The following GPR89B variants were observed in gnomAD, a reference collection of about 807,000 sequenced individuals.
GPR89B encodes golgi pH regulator B.
A neutral mutation model predicts 52.4 loss-of-function variants in GPR89B; 25 were observed. The ratio of observed to expected loss-of-function variants is 0.48; its 90% CI spans 0.35 to 0.67. GPR89B has a LOEUF of 0.67. Ranked by LOEUF, GPR89B falls within the 30% of genes least tolerant of loss-of-function variation. The pLI, the probability that GPR89B is intolerant of heterozygous loss-of-function variation, is 0.01. For missense variants in GPR89B, 146 were observed against 450.2 expected, an observed-to-expected ratio of 0.32 and a Z score of 6.11; for synonymous variants, 52 against 151.2, an observed-to-expected ratio of 0.34 and a Z score of 4.81.
chr1:147,943,611 G>C, intron 4 of GPR89B, 67 bp downstream of exon 4: 1 of 1,548,914 alleles, frequency 6.5e-7, no homozygotes, highest in East Asian at 2.3e-5. Context: ...TTAAATTGTG[G>C]ATAGCTTCAT....
chr1:147,978,311 A>G (rs1182824368), intron 10 of GPR89B, among the ~76,000 whole-genome samples: 1 of 151,920 alleles, frequency 6.6e-6, no homozygotes, highest in Non-Finnish European at 1.5e-5. Context: ...TCCCTCTCGC[A>G]TCTGGAGGTA....
chr1:147,961,775 G>A (rs1229401792), intron 7 of GPR89B, among the ~76,000 whole-genome samples: 6,671 of 151,978 alleles, frequency 0.044, 209 homozygotes, highest in African/African-American at 0.073. Context: ...CATGTATATA[G>A]GACTTGTTTG....
chr1:148,012,507 A>T, the GPR89B span, among the ~76,000 whole-genome samples: 3 of 72,174 alleles, frequency 4.2e-5, no homozygotes, highest in Non-Finnish European at 5.6e-5. Context: ...CCACTCCCCC[A>T]CCCCCGCAGC....
rs1328992229 is a variant in GPR89B, at chr1:147,939,465, G to A, written c.206+648G>A. Among the ~76,000 whole-genome samples, 4 of 152,142 alleles carry A rather than the reference G, an allele frequency of 2.6e-5. No individual in the cohort carries two copies. In the East Asian group the frequency reaches 5.8e-4, roughly 22 times the overall value. On this transcript the variant is annotated intron_variant, in intron 3 of 13. Coordinates refer to ENST00000314163, the MANE Select transcript of GPR89B (RefSeq NM_016334.5). Reference sequence around the variant, plus strand: ...ATGTAGGGTTCATCAACTATGCTATGCAGACTTTGTTGTGCTTTTTTATCA... The same window carrying A: ...ATGTAGGGTTCATCAACTATGCTATACAGACTTTGTTGTGCTTTTTTATCA...
chr1:147,992,684 T>C, intron 13 of GPR89B, 27 bp from the exon 14 acceptor site: 8 of 1,289,154 alleles, frequency 6.2e-6, no homozygotes, highest in Non-Finnish European at 9.0e-6. Context: ...TCAGAGTCAC[T>C]TCTGGATTAA....
the GPR89B span, among the ~76,000 whole-genome samples, chr1:148,012,597 C>T: frequency 1.0e-4 from 15 of 150,302 alleles, no homozygotes; most frequent in Admixed American, 1.0e-3. Context: ...CAGCAGAACA[C>T]TGACATATAG....
chr1:147,995,175 G>C (rs1659285020), downstream of GPR89B, among the ~76,000 whole-genome samples: 1 of 151,166 alleles, frequency 6.6e-6, no homozygotes, highest in Admixed American at 6.6e-5. Context: ...GTTAATCTTA[G>C]TTAACATGAT....
At chr1:148,003,475 TCA>T in the GPR89B span, among the ~76,000 whole-genome samples, 1 of 152,124 alleles carries the variant, frequency 6.6e-6, no homozygotes, top group African/African-American at 2.4e-5. Context: ...AGTATTTACA[TCA>T]CAAAATACTA....
intron 1 of GPR89B, among the ~76,000 whole-genome samples, chr1:147,930,070 A>G (rs1435566880): frequency 6.6e-6 from 1 of 152,232 alleles, no homozygotes; most frequent in Non-Finnish European, 1.5e-5. Flanking sequence ...TGCAGCCTCT[A>G]CGATTTTTAG....
downstream of GPR89B, chr1:147,994,300 A>G: frequency 6.5e-7 from 1 of 1,528,342 alleles, no homozygotes. Flanking sequence ...ACTTGTTTTC[A>G]TCACATCTCT....
At chr1:148,014,227 G>A in the GPR89B span, among the ~76,000 whole-genome samples, 1 of 151,680 alleles carries the variant, frequency 6.6e-6, no homozygotes, top group Non-Finnish European at 1.5e-5. Context: ...CAGGTCCGAA[G>A]GAGACCCAAG....
rs1657792612 is a variant in GPR89B, at chr1:147,975,844, C to T, written c.909+5885C>T. Among the ~76,000 whole-genome samples, 4 of 152,226 alleles carry T rather than the reference C, an allele frequency of 2.6e-5. No individual in the cohort carries two copies. The East Asian group carries it at 7.7e-4, about 29-fold the overall frequency. ...CTGCTTTAGCTGTGTCCCAGAGATT[C>T]TGGTATGTTGTCTCTTTGTTCTCAT... On this transcript the variant is annotated intron_variant, in intron 10 of 13. Transcript: ENST00000314163.
intron 1 of GPR89B, among the ~76,000 whole-genome samples, chr1:147,931,694 G>A (rs28550438): frequency 4.0e-5 from 6 of 151,548 alleles, no homozygotes; most frequent in African/African-American, 9.7e-5. Flanking sequence ...GGTACTGAGC[G>A]TAGTACTCAA....
At chr1:147,928,666 G>A in intron 1 of GPR89B, 88 bp downstream of exon 1, 1 of 1,560,652 alleles carries the variant, frequency 6.4e-7, no homozygotes, top group Non-Finnish European at 8.8e-7. Flanking sequence ...GCTGGTCCGG[G>A]GTCTCGCTCC....
intron 10 of GPR89B, among the ~76,000 whole-genome samples, chr1:147,983,354 C>A (rs1439401192): frequency 5.3e-5 from 8 of 152,016 alleles, no homozygotes; most frequent in Non-Finnish European, 1.2e-4. Context: ...AGAGCTTCTG[C>A]ACAGCAAAAG....
At chr1:148,010,665 G>C in the GPR89B span, 2 of 152,300 alleles carry the variant, frequency 1.3e-5, no homozygotes, top group Non-Finnish European at 2.9e-5. Flanking sequence ...TGAGAGGAAA[G>C]AGTTTGGGAA....
At chr1:148,007,500 A>G in the GPR89B span, among the ~76,000 whole-genome samples, 2 of 151,428 alleles carry the variant, frequency 1.3e-5, no homozygotes, top group Non-Finnish European at 2.9e-5. Context: ...ATCCTTGAAC[A>G]TTTATCATTT....
At chr1:148,009,388 C>A in the GPR89B span, 4 of 1,612,038 alleles carry the variant, frequency 2.5e-6, no homozygotes, top group Middle Eastern at 2.3e-4. Context: ...CCCTCCTTCA[C>A]GAGATAGCAG....
At chr1:147,971,398 G>A (rs1303735373) in intron 10 of GPR89B, among the ~76,000 whole-genome samples, 7 of 147,778 alleles carry the variant, frequency 4.7e-5, no homozygotes, top group African/African-American at 7.6e-5. Context: ...CAATCTGCCC[G>A]TCTCAGCCTC....
Sources: gnomAD v4.1 joint callset for allele counts (sites outside exome capture counted in the v4.1 genomes callset) on GRCh38, gnomAD v4.1.1 for gene constraint, MANE v1.5 for transcripts, NCBI Gene and HGNC (gene_info 2026-07-23, HGNC 2026-07-21) for gene names.